Variants in LILRA4 observed in about 807,000 individuals in gnomAD.
LILRA4 encodes the protein leukocyte immunoglobulin like receptor A4.
In LILRA4, 51 loss-of-function variants were observed where a neutral mutation model predicts 49.5. The observed-to-expected ratio is 1.03, with a 90% confidence interval of 0.82 to 1.30. LILRA4 has a LOEUF of 1.30. Among genes scored for constraint, LILRA4 ranks in the 50% most tolerant of loss-of-function variants. The pLI, the probability that LILRA4 is intolerant of heterozygous loss-of-function variation, is 0.00. For synonymous variants in LILRA4, 272 were observed against 265.6 expected, an observed-to-expected ratio of 1.02 and a Z score of -0.23; for missense variants, 624 against 625.6, an observed-to-expected ratio of 1.00 and a Z score of 0.03.
intron 6 of LILRA4, chr19:54,336,497 C>T: frequency 2.4e-6 from 1 of 417,152 alleles, no homozygotes; most frequent in Non-Finnish European, 4.3e-6. Context: ...CCTACTGAGA[C>T]TTCAGGGGTG....
chr19:54,334,131 A>G, intron 6 of LILRA4, 166 bp from the exon 7 acceptor site: 1 of 601,488 alleles, frequency 1.7e-6, no homozygotes, highest in East Asian at 2.8e-5. Context: ...GGGTTTTTCA[A>G]CCTCTCTGTG....
chr19:54,334,267 G>T, intron 6 of LILRA4: 1 of 369,148 alleles, frequency 2.7e-6, no homozygotes, highest in African/African-American at 2.1e-5. Context: ...GTGCTGTCTT[G>T]GATGTGCAAT....
rs1303236614 is a variant in LILRA4 at position 54,333,731 on chromosome 19, G to T, written c.1341C>A (p.Leu447=). ...CCAAGCCAGCCACACCCATGCGGATGAGATTCTCCACTGTGTAATCCTGGA... is the reference window on the plus strand; with the variant it reads ...CCAAGCCAGCCACACCCATGCGGATTAGATTCTCCACTGTGTAATCCTGGA... The part of the protein sequence containing the change: ...PHLQDYTVEN[L]IRMGVAGLVL... The change falls in exon 8 of 8, where the codon CTC becomes CTA. Residue 447 remains leucine (L), a synonymous_variant. Coordinates refer to ENST00000291759, the MANE Select transcript of LILRA4 (RefSeq NM_012276.5). 8 of 1,614,120 alleles carry T rather than the reference G, an allele frequency of 5.0e-6. No individual in the cohort carries two copies. In the South Asian group the frequency reaches 8.8e-5, roughly 18 times the overall value.
chr19:54,338,694 A>G lies in LILRA4; in HGVS notation c.71-14T>C. The G allele has an allele frequency of 1.9e-6, 3 of 1,602,530 alleles. No individual in the cohort carries two copies. Among genetic ancestry groups the G allele is most frequent in the South Asian group, 2.2e-5 (2 of 89,704 alleles). ...TGAGTAGGTTTTCTGGAAGGAAATTACAGGTTAGGTCCCAAGATGTCCTCA... is the reference window on the plus strand; with the variant it reads ...TGAGTAGGTTTTCTGGAAGGAAATTGCAGGTTAGGTCCCAAGATGTCCTCA... On this transcript the variant is annotated splice_polypyrimidine_tract_variant and intron_variant, in intron 2 of 7. Coordinates refer to ENST00000291759, the MANE Select transcript of LILRA4 (RefSeq NM_012276.5).
chr19:54,338,750 C>A lies in LILRA4; in HGVS notation c.71-70G>T, dbSNP rs567691802. On this transcript the variant is annotated intron_variant, in intron 2 of 7. Transcript: ENST00000291759. ...CAGATCCCAGCTCTCAGCCCCAGGA[C>A]CCCCCTCATCCCCATCAGTCAGCCC... is the stretch of plus-strand genomic sequence containing the variant. 116 of 1,581,484 alleles carry A rather than the reference C, an allele frequency of 7.3e-5. No individual in the cohort carries two copies. The South Asian group carries it at 1.2e-3, about 17-fold the overall frequency.
chr19:54,335,493 T>TTTTC (rs150178456), intron 6 of LILRA4: 1 of 152,692 alleles, frequency 6.5e-6, no homozygotes, highest in African/African-American at 2.4e-5. Flanking sequence ...TCAGGTAGGT[T>TTTTC]TTTGTTTGTT....
At position 54,338,166 on chromosome 19, in the gene LILRA4, C is replaced by T. The variant is rs753386802; in HGVS notation, c.425G>A (p.Arg142Gln). 7.4e-6 allele frequency: 12 copies of T among 1,613,846 alleles called. No homozygotes were observed. The highest frequency in any genetic ancestry group is 2.2e-5 in the East Asian group (1 of 44,874). ...GCCCAGTCCCAGCCGTGAGGCACAC[C>T]GGAGGGTCACGTTCACTCCTGAGGT... ...VVTSGVNVTL[R>Q]CASRLGLGRF... Residue 142 changes from arginine to glutamine, a missense_variant, in exon 4 of 8, where the codon CGG becomes CAG. Physicochemically the swap from Arg to Gln is conservative, Grantham distance 43 (BLOSUM62 1). Coordinates refer to ENST00000291759, the MANE Select transcript of LILRA4 (RefSeq NM_012276.5).
Position 54,338,139 on chromosome 19 carries a change from C to A in LILRA4, c.452G>T (p.Arg151Met). The change falls in exon 4 of 8, where the codon AGG becomes ATG. Residue 151 changes from arginine (R) to methionine (M), a missense_variant. Physicochemically the swap from Arg to Met is moderately conservative, Grantham distance 91. Coordinates refer to ENST00000291759, the MANE Select transcript of LILRA4 (RefSeq NM_012276.5). Reference sequence around the variant, plus strand: ...GTCTCCTTCCTCAATCAGAGTGAACCTGCCCAGTCCCAGCCGTGAGGCACA... The same window carrying A: ...GTCTCCTTCCTCAATCAGAGTGAACATGCCCAGTCCCAGCCGTGAGGCACA... ...LRCASRLGLG[R>M]FTLIEEGDHR... The A allele has an allele frequency of 1.2e-6, 2 of 1,614,106 alleles. No individual in the cohort carries two copies. The highest frequency in any genetic ancestry group is 1.7e-6 in the Non-Finnish European group (2 of 1,179,982).
chr19:54,338,971 C>G, intron 1 of LILRA4, 70 bp from the exon 2 acceptor site: 1 of 1,612,724 alleles, frequency 6.2e-7, no homozygotes, highest in Non-Finnish European at 8.5e-7. Flanking sequence ...TCCTTGAGCC[C>G]CTGGGATGCC....
intron 1 of LILRA4, 28 bp from the exon 2 acceptor site, chr19:54,338,929 T>C: frequency 6.2e-7 from 1 of 1,614,124 alleles, no homozygotes; most frequent in Non-Finnish European, 8.5e-7. Context: ...GTGAGAGATT[T>C]GCCTCCGAAG....
chr19:54,338,151 A>C lies in LILRA4; in HGVS notation c.440T>G (p.Leu147Arg). Residue 147 changes from leucine to arginine, a missense_variant, in exon 4 of 8, where the codon CTG (leucine) becomes CGG (arginine). By Grantham distance (102) the Leu-to-Arg change is moderately radical (BLOSUM62 -2). Transcript: ENST00000291759. Reference protein sequence around the residue: ...VNVTLRCASRLGLGRFTLIEE... With the variant: ...VNVTLRCASRRGLGRFTLIEE... ...AATCAGAGTGAACCTGCCCAGTCCC[A>C]GCCGTGAGGCACACCGGAGGGTCAC... 6.2e-7 allele frequency: 1 copy of C among 1,614,132 alleles called. No homozygotes were observed. Among genetic ancestry groups the C allele is most frequent in the Non-Finnish European group, 8.5e-7 (1 of 1,179,992 alleles).
At position 54,338,212 on chromosome 19, in the gene LILRA4, C is replaced by T. The variant is rs749644963; in HGVS notation, c.379G>A (p.Ala127Thr). 4.6e-5 allele frequency: 74 copies of T among 1,612,374 alleles called. No homozygotes were observed. The East Asian group carries it at 1.2e-3, about 27-fold the overall frequency. The change falls in exon 4 of 8, where the codon GCA (alanine) becomes ACA (threonine). Residue 127 changes from alanine (A) to threonine (T), a missense_variant. Coordinates refer to ENST00000291759, the MANE Select transcript of LILRA4 (RefSeq NM_012276.5). ...GAGGTCACCACAGGGCTTGGCAGTG[C>T]GGACAGGGTGGGTCTGCTGTAGGCT... ...VTAYSRPTLS[A>T]LPSPVVTSGV...
At position 54,336,921 on chromosome 19, in the gene LILRA4, G is replaced by A. The variant is rs1332488357; in HGVS notation, c.1175C>T (p.Thr392Ile). The A allele has an allele frequency of 3.1e-6, 5 of 1,614,072 alleles. No individual in the cohort carries two copies. The Admixed American group carries it at 8.3e-5, about 27-fold the overall frequency. Reference sequence around the variant, plus strand: ...GCTGCGTGAGCCGTAGCACCTGTAGGTCCCCGCGTGGGCTGAGGTCACAGG... The same window carrying A: ...GCTGCGTGAGCCGTAGCACCTGTAGATCCCCGCGTGGGCTGAGGTCACAGG... The part of the protein sequence containing the change: ...MSPVTSAHAG[T>I]YRCYGSRSSN... The change falls in exon 6 of 8, where the codon ACC becomes ATC. Residue 392 changes from threonine (T) to isoleucine (I), a missense_variant. Transcript: ENST00000291759.
chr19:54,334,261 T>C (rs765144203), intron 6 of LILRA4: 18 of 377,442 alleles, frequency 4.8e-5, no homozygotes, highest in Middle Eastern at 7.2e-4. Flanking sequence ...TCTTGTGTGC[T>C]GTCTTGGATG....
In LILRA4 at chr19:54,336,679, G is replaced by A. The variant is rs2081326235; in HGVS notation, c.1255+162C>T. The A allele has an allele frequency of 2.9e-5, 32 of 1,114,520 alleles. No homozygotes were observed. In the South Asian group the frequency reaches 4.9e-4, roughly 17 times the overall value. 69.0% of individuals were successfully genotyped at this position (1,114,520 alleles called of 1,614,324 possible). ...GTGTCCTGAACTCTCCTGGGGGCAG[G>A]GCCTGAGCTGAGAGAGGCTCAGGGC... On this transcript the variant is annotated intron_variant, in intron 6 of 7. Coordinates refer to ENST00000291759, the MANE Select transcript of LILRA4 (RefSeq NM_012276.5).
At position 54,337,181 on chromosome 19, in the gene LILRA4, T is replaced by C. The variant is rs370243129; in HGVS notation, c.953-38A>G. 24 of 1,581,994 alleles carry C rather than the reference T, an allele frequency of 1.5e-5. No homozygotes were observed. In the African/African-American group the frequency reaches 3.2e-4, roughly 21 times the overall value. Reference sequence around the variant, plus strand: ...AGGACGGGTGAGGGGCTGCCCCACCTTGTTCTGAGCTGAGACCTCCCCACC... The same window carrying C: ...AGGACGGGTGAGGGGCTGCCCCACCCTGTTCTGAGCTGAGACCTCCCCACC... On this transcript the variant is annotated intron_variant, in intron 5 of 7. Coordinates refer to ENST00000291759, the MANE Select transcript of LILRA4 (RefSeq NM_012276.5).
At chr19:54,337,764 TCCTC>T (rs2081346639) in intron 4 of LILRA4, 68 bp from the exon 5 acceptor site, 2 of 1,534,176 alleles carry the variant, frequency 1.3e-6, no homozygotes, top group Non-Finnish European at 1.8e-6. Context: ...TCTGTAGCCT[TCCTC>T]ACTAGGGTTT....
rs374608613 is a variant in LILRA4, at chr19:54,333,484, T to C, written c.*88A>G. On this transcript the variant is annotated 3_prime_UTR_variant, in exon 8 of 8. Coordinates refer to ENST00000291759, the MANE Select transcript of LILRA4 (RefSeq NM_012276.5). ...TTCTACAGACACCCAGACATCTTCC[T>C]GCACCTGACCCATGCTTCTTCCCCT... 1.2e-5 allele frequency: 16 copies of C among 1,315,630 alleles called. 1 individual carries two copies. Among genetic ancestry groups the C allele is most frequent in the Non-Finnish European group, 1.7e-5 (16 of 922,814 alleles). The allele number at this position is 1,315,630 out of a possible 1,614,324, so 81.5% of individuals were successfully genotyped here.
At chr19:54,338,996 C>T in intron 1 of LILRA4, 64 bp downstream of exon 1, 2 of 1,612,670 alleles carry the variant, frequency 1.2e-6, no homozygotes, top group Admixed American at 1.7e-5. Context: ...TTGACTAAGG[C>T]ATGGCTATGG....
Sources: gnomAD v4.1 joint callset for allele counts on GRCh38, gnomAD v4.1.1 for gene constraint, MANE v1.5 for transcripts, NCBI Gene and HGNC (gene_info 2026-07-23, HGNC 2026-07-21) for gene names.